PARVB: variants seen among roughly 807,000 people sequenced by gnomAD.
The protein encoded by PARVB is beta-parvin.
A neutral mutation model predicts 47.0 loss-of-function variants in PARVB; 46 were observed. That is an observed-to-expected ratio of 0.98 (90% CI 0.77 to 1.25). The LOEUF (loss-of-function observed/expected upper bound fraction) is 1.25. Ranked by LOEUF, PARVB falls within the 50% of genes most tolerant of loss-of-function variation. The probability of loss-of-function intolerance (pLI) is 0.00; values close to 1 mark genes in which losing one functional copy is unlikely to be tolerated. For synonymous variants in PARVB, 196 were observed against 196.3 expected, an observed-to-expected ratio of 1.00 and a Z score of 0.01; for missense variants, 473 against 471.6, an observed-to-expected ratio of 1.00 and a Z score of -0.03.
At chr22:44,017,053 T>A (rs2050590903) in intron 2 of PARVB, among the ~76,000 whole-genome samples, 1 of 152,020 alleles carries the variant, frequency 6.6e-6, no homozygotes, top group African/African-American at 2.4e-5. Flanking sequence ...TTTTGTATTT[T>A]TAGTAGAGAT....
chr22:44,067,484 C>T (rs980952674), intron 1 of PARVB, among the ~76,000 whole-genome samples: 1 of 152,248 alleles, frequency 6.6e-6, no homozygotes, highest in Non-Finnish European at 1.5e-5. Flanking sequence ...TGGATACACA[C>T]ACGTCAGGAA....
intron 3 of PARVB, among the ~76,000 whole-genome samples, chr22:44,100,467 G>T (rs1373807588): frequency 2.0e-5 from 3 of 152,150 alleles, no homozygotes; most frequent in Non-Finnish European, 4.4e-5. Context: ...TCCGTCTGGA[G>T]CCTGGTGGGG....
Position 44,119,020 on chromosome 22 carries a change from T to A in PARVB, c.274-18T>A. 6.3e-7 allele frequency: 1 copy of A among 1,579,968 alleles called. No individual in the cohort carries two copies. The highest frequency in any genetic ancestry group is 1.3e-5 in the African/African-American group (1 of 74,436). On this transcript the variant is annotated intron_variant, in intron 3 of 12. Transcript: ENST00000338758. ...TGGCGCTGGTGGACTGAGGCCATAA[T>A]GCCTGCGTCTCCTGCAGGTCCTCCT...
chr22:44,002,116 C>T (rs1456902691), intron 2 of PARVB, among the ~76,000 whole-genome samples: 3 of 152,224 alleles, frequency 2.0e-5, no homozygotes, highest in South Asian at 2.1e-4. Flanking sequence ...GCTTTTGCAT[C>T]GTGAGTGCAA....
intron 1 of PARVB, among the ~76,000 whole-genome samples, chr22:44,090,361 C>G (rs1280707931): frequency 6.6e-6 from 1 of 152,230 alleles, no homozygotes; most frequent in Non-Finnish European, 1.5e-5. Flanking sequence ...TAACCAGCCC[C>G]TTCAGAATGC....
At chr22:44,016,123 GT>G (rs1195757801) in intron 2 of PARVB, among the ~76,000 whole-genome samples, 2 of 141,340 alleles carry the variant, frequency 1.4e-5, no homozygotes, top group Non-Finnish European at 3.0e-5. Flanking sequence ...TTGAGATGGA[GT>G]CTCGCTCTGT....
At chr22:44,067,448 C>G (rs1414526655) in intron 1 of PARVB, among the ~76,000 whole-genome samples, 1 of 152,238 alleles carries the variant, frequency 6.6e-6, no homozygotes, top group Admixed American at 6.5e-5. Context: ...GACCACCAGC[C>G]CCAGGCATCT....
At chr22:44,165,956 G>C (rs1420277360) in intron 12 of PARVB, among the ~76,000 whole-genome samples, 2 of 152,220 alleles carry the variant, frequency 1.3e-5, no homozygotes, top group African/African-American at 4.8e-5. Flanking sequence ...CATGTCCACT[G>C]TGGGCTTGGC....
chr22:44,008,147 C>G (rs999330263), intron 2 of PARVB, among the ~76,000 whole-genome samples: 2 of 152,158 alleles, frequency 1.3e-5, no homozygotes, highest in Non-Finnish European at 1.5e-5. Flanking sequence ...GTCACCCAGG[C>G]TGGAGCACAG....
rs139849440 is a variant in PARVB at position 44,165,302 on chromosome 22, C to A, written c.1018+1372C>A. 5.8e-4 allele frequency among the ~76,000 whole-genome samples: 89 copies of A among 152,302 alleles called. 1 individual carries two copies. The highest frequency in any genetic ancestry group is 2.0e-3 in the African/African-American group (84 of 41,568). On this transcript the variant is annotated intron_variant, in intron 12 of 12. Coordinates refer to ENST00000338758, the MANE Select transcript of PARVB (RefSeq NM_013327.5). ...TTTATTTTTTATTGTCCCTCCCTCC[C>A]CACTAGAACAGAAGCCTCAAGGGAG...
chr22:44,007,789 C>T (rs977193091), intron 2 of PARVB, among the ~76,000 whole-genome samples: 1 of 152,110 alleles, frequency 6.6e-6, no homozygotes, highest in Non-Finnish European at 1.5e-5. Flanking sequence ...TCTTTCATTC[C>T]GAAGCTGAAC....
intron 2 of PARVB, among the ~76,000 whole-genome samples, chr22:44,005,139 AC>A (rs1923176760): frequency 6.6e-6 from 1 of 152,158 alleles, no homozygotes; most frequent in Non-Finnish European, 1.5e-5. Flanking sequence ...TCACTCTGTC[AC>A]CCAGGCTGGA....
At chr22:44,087,627 GA>G (rs1015155278) in intron 1 of PARVB, among the ~76,000 whole-genome samples, 93 of 151,710 alleles carry the variant, frequency 6.1e-4, no homozygotes, top group African/African-American at 1.1e-3. Flanking sequence ...TCAAAAGGGG[GA>G]AAAAAAGCTG....
chr22:44,009,270 G>A (rs897747949), intron 2 of PARVB, among the ~76,000 whole-genome samples: 1 of 152,162 alleles, frequency 6.6e-6, no homozygotes, highest in Non-Finnish European at 1.5e-5. Flanking sequence ...ATGAGCATGG[G>A]ACAGATTTTA....
At chr22:44,131,162 G>GCC (rs2053308248) in intron 4 of PARVB, among the ~76,000 whole-genome samples, 1 of 144,748 alleles carries the variant, frequency 6.9e-6, no homozygotes, top group African/African-American at 2.6e-5. Context: ...TCTTTCTGAG[G>GCC]CAGGGTCTCA....
chr22:44,106,203 T>C (rs1187112948), intron 3 of PARVB: 1 of 136,954 alleles, frequency 7.3e-6, no homozygotes, highest in African/African-American at 2.8e-5. Context: ...GGGAGGAGGC[T>C]CTGGGAAGAG....
intron 2 of PARVB, among the ~76,000 whole-genome samples, chr22:44,012,857 A>C (rs542033144): frequency 2.0e-5 from 3 of 151,756 alleles, no homozygotes; most frequent in Non-Finnish European, 4.4e-5. Context: ...TCTATTAAAG[A>C]GAAGTGAAAG....
chr22:44,094,476 C>G (rs2147048172), intron 2 of PARVB, among the ~76,000 whole-genome samples: 1 of 152,150 alleles, frequency 6.6e-6, no homozygotes, highest in Non-Finnish European at 1.5e-5. Flanking sequence ...AGGGCTAATG[C>G]CTTTATTTGA....
intron 12 of PARVB, among the ~76,000 whole-genome samples, chr22:44,166,116 CT>C (rs976652954): frequency 6.6e-6 from 1 of 151,880 alleles, no homozygotes; most frequent in African/African-American, 2.4e-5. Flanking sequence ...GAACCCACGA[CT>C]TTTTTTTTCT....
Sources: allele counts gnomAD v4.1 joint callset (sites outside exome capture counted in the v4.1 genomes callset), GRCh38; gene constraint gnomAD v4.1.1; transcripts MANE v1.5; gene names NCBI Gene and HGNC (gene_info 2026-07-23, HGNC 2026-07-21).